The following CSMD3 variants were observed in gnomAD, a reference collection of about 807,000 sequenced individuals.
The protein encoded by CSMD3 is CUB and sushi domain-containing protein 3.
Under a neutral mutation model 435.2 loss-of-function variants are expected in CSMD3, and 177 were observed. The observed-to-expected ratio is 0.41, with a 90% CI of 0.36 to 0.46. The LOEUF (loss-of-function observed/expected upper bound fraction) is 0.46, where lower values mean the gene tolerates loss of function less well. Among genes scored for constraint, CSMD3 ranks in the 20% least tolerant of loss-of-function variants. The pLI, the probability that CSMD3 is intolerant of heterozygous loss-of-function variation, is 0.34. For missense variants in CSMD3, 4,265 were observed against 4,504.6 expected, an observed-to-expected ratio of 0.95 and a Z score of 1.52; for synonymous variants, 1,656 against 1,520.5, an observed-to-expected ratio of 1.09 and a Z score of -2.07.
At chr8:112,353,217 C>G (rs1484427147) in intron 38 of CSMD3, among the ~76,000 whole-genome samples, 3 of 151,906 alleles carry the variant, frequency 2.0e-5, no homozygotes, top group African/African-American at 4.8e-5. Context: ...GTGGTCAAAC[C>G]CCGTCTCTAC....
At chr8:112,574,518 T>C (rs1215591190) in intron 23 of CSMD3, among the ~76,000 whole-genome samples, 1 of 151,988 alleles carries the variant, frequency 6.6e-6, no homozygotes, top group Non-Finnish European at 1.5e-5. Flanking sequence ...GGATATGAAA[T>C]ATGGGACATG....
chr8:112,725,636 G>A (rs1243408644), intron 13 of CSMD3, among the ~76,000 whole-genome samples: 2 of 151,764 alleles, frequency 1.3e-5, no homozygotes, highest in East Asian at 1.9e-4. Flanking sequence ...GGGAGAATTG[G>A]CTAGAAACTG....
intron 5 of CSMD3, among the ~76,000 whole-genome samples, chr8:113,029,217 C>T (rs1420740584): frequency 1.3e-5 from 2 of 151,440 alleles, no homozygotes; most frequent in Non-Finnish European, 3.0e-5. Flanking sequence ...AGAATTGGTG[C>T]AAATTATTTT....
intron 10 of CSMD3, among the ~76,000 whole-genome samples, chr8:112,889,395 G>T (rs546108390): frequency 2.4e-4 from 37 of 151,712 alleles, no homozygotes; most frequent in Admixed American, 5.9e-4. Context: ...AAGACAGAGA[G>T]ACCTGGCTAA....
chr8:112,729,762 G>A (rs2077038366), intron 13 of CSMD3, among the ~76,000 whole-genome samples: 1 of 152,034 alleles, frequency 6.6e-6, no homozygotes, highest in African/African-American at 2.4e-5. Context: ...AATAGAGAGT[G>A]GAGTGATGTG....
At chr8:112,521,722 C>T (rs1209461915) in intron 27 of CSMD3, among the ~76,000 whole-genome samples, 1 of 151,874 alleles carries the variant, frequency 6.6e-6, no homozygotes, top group African/African-American at 2.4e-5. Flanking sequence ...CTTCAAGTGC[C>T]TATTTAACTT....
chr8:112,387,463 T>TTG (rs1473042858), intron 36 of CSMD3, among the ~76,000 whole-genome samples: 5 of 87,126 alleles, frequency 5.7e-5, no homozygotes, highest in African/African-American at 7.9e-5. Context: ...AAGTCATATA[T>TTG]TATGTGTGTG....
At chr8:112,558,902 A>G (rs1828366989) in intron 24 of CSMD3, among the ~76,000 whole-genome samples, 1 of 151,982 alleles carries the variant, frequency 6.6e-6, no homozygotes. Flanking sequence ...TCATATTTAA[A>G]ATATACTTTA....
chr8:113,055,816 G>A (rs1020519917), intron 5 of CSMD3, among the ~76,000 whole-genome samples: 3 of 152,228 alleles, frequency 2.0e-5, no homozygotes, highest in Admixed American at 6.5e-5. Context: ...AAGGCATTTG[G>A]CATTGTTATT....
intron 38 of CSMD3, among the ~76,000 whole-genome samples, chr8:112,368,825 T>G (rs1178361946): frequency 1.3e-5 from 2 of 152,140 alleles, no homozygotes; most frequent in East Asian, 1.9e-4. Context: ...TTCTATAATT[T>G]TCCATTTGTA....
intron 3 of CSMD3, among the ~76,000 whole-genome samples, chr8:113,252,246 A>G (rs1330520933): frequency 6.6e-6 from 1 of 152,070 alleles, no homozygotes; most frequent in Non-Finnish European, 1.5e-5. Context: ...AAATACTCAT[A>G]AACTATAAAC....
At chr8:113,283,219 CA>C (rs1418458522) in intron 2 of CSMD3, among the ~76,000 whole-genome samples, 1 of 151,952 alleles carries the variant, frequency 6.6e-6, no homozygotes, top group Non-Finnish European at 1.5e-5. Flanking sequence ...GCAATAAAAA[CA>C]AATATAAATA....
At chr8:112,838,575 T>A (rs1352000174) in intron 11 of CSMD3, among the ~76,000 whole-genome samples, 1 of 151,732 alleles carries the variant, frequency 6.6e-6, no homozygotes, top group Non-Finnish European at 1.5e-5. Flanking sequence ...TTTCCCTTTT[T>A]TTCCATACAC....
intron 25 of CSMD3, among the ~76,000 whole-genome samples, chr8:112,556,429 G>A (rs746473291): frequency 1.3e-5 from 2 of 151,702 alleles, no homozygotes; most frequent in Non-Finnish European, 2.9e-5. Flanking sequence ...AAAAAATCTG[G>A]CCAATGCAAT....
intron 1 of CSMD3, among the ~76,000 whole-genome samples, chr8:113,382,748 G>C (rs975780535): frequency 2.6e-5 from 4 of 152,166 alleles, no homozygotes; most frequent in Admixed American, 2.6e-4. Context: ...GGGAGGCTGA[G>C]GTGAGAGGAT....
At chr8:113,289,515 T>A (rs1314688934) in intron 2 of CSMD3, among the ~76,000 whole-genome samples, 2 of 148,970 alleles carry the variant, frequency 1.3e-5, no homozygotes, top group Non-Finnish European at 3.0e-5. Context: ...GGTGAGAGCA[T>A]TGATGAAGAT....
chr8:113,106,013 A>G (rs1352514129), intron 4 of CSMD3, among the ~76,000 whole-genome samples: 1 of 152,120 alleles, frequency 6.6e-6, no homozygotes, highest in Admixed American at 6.6e-5. Context: ...AGCAGATATA[A>G]CTATATTCAA....
At chr8:113,421,817 A>G (rs1408518028) in intron 1 of CSMD3, among the ~76,000 whole-genome samples, 2 of 152,232 alleles carry the variant, frequency 1.3e-5, no homozygotes, top group Non-Finnish European at 2.9e-5. Flanking sequence ...GCCAGGAAAG[A>G]TCTATCAAAT....
chr8:112,713,776 C>A (rs1321752441), intron 13 of CSMD3, among the ~76,000 whole-genome samples: 2 of 152,122 alleles, frequency 1.3e-5, no homozygotes, highest in African/African-American at 4.8e-5. Context: ...ATTCAACATT[C>A]TTAAAAGAAA....
Sources: gnomAD v4.1 joint callset for allele counts (sites outside exome capture counted in the v4.1 genomes callset) on GRCh38, gnomAD v4.1.1 for gene constraint, MANE v1.5 for transcripts, NCBI Gene and HGNC (gene_info 2026-07-23, HGNC 2026-07-21) for gene names.